Variants in CD300A observed in about 807,000 individuals in gnomAD.
The protein encoded by CD300A is CMRF35-like molecule 8.
A neutral mutation model predicts 33.6 loss-of-function variants in CD300A; 22 were observed. The ratio of observed to expected loss-of-function variants is 0.66; its 90% confidence interval spans 0.47 to 0.94. The LOEUF (loss-of-function observed/expected upper bound fraction) is 0.94. Among genes scored for constraint, CD300A ranks in the 40% least tolerant of loss-of-function variants. The pLI is 0.00. For synonymous variants in CD300A, 136 were observed against 148.1 expected (o/e 0.92, Z 0.59); for missense variants, 326 against 360.5 (o/e 0.90, Z 0.77).
intron 1 of CD300A, chr17:74,470,289 T>G: frequency 6.6e-6 from 6 of 902,406 alleles, no homozygotes; most frequent in East Asian, 1.7e-4. Context: ...TCGCAATCTC[T>G]AAATTATAAT....
intron 1 of CD300A, among the ~76,000 whole-genome samples, chr17:74,471,156 C>T (rs1210756843): frequency 6.6e-6 from 1 of 152,196 alleles, no homozygotes; most frequent in Non-Finnish European, 1.5e-5. Context: ...CTATGTTGCC[C>T]AGGCTCCATT....
chr17:74,483,616 C>T (rs535738633), intron 6 of CD300A, among the ~76,000 whole-genome samples: 1 of 152,290 alleles, frequency 6.6e-6, no homozygotes, highest in Admixed American at 6.5e-5. Flanking sequence ...CTTGGCCTCC[C>T]AAAGTGCTGG....
At chr17:74,482,184 G>C (rs34615254) in intron 6 of CD300A, among the ~76,000 whole-genome samples, 7 of 151,424 alleles carry the variant, frequency 4.6e-5, no homozygotes, top group East Asian at 3.9e-4. Flanking sequence ...TTCTGCTTTC[G>C]GGTTTTTGTC....
Position 74,480,037 on chromosome 17 carries a change from G to A in CD300A, c.629-1252G>A, listed in dbSNP as rs76652174. Among the ~76,000 whole-genome samples, 2,273 of 152,178 alleles carry A rather than the reference G, an allele frequency of 0.015. 23 individuals carry two copies. The highest frequency in any genetic ancestry group is 0.026 in the Admixed American group (403 of 15,284). ...CTCACTACCACCCTCCTTCCCGGGC[G>A]TTGAACTCCTGTCTCTTCCCCACCA... On this transcript the variant is annotated intron_variant, in intron 4 of 6. Coordinates refer to ENST00000360141, the MANE Select transcript of CD300A (RefSeq NM_007261.4). The surrounding 1 kb of genome is among the most constrained non-coding windows in gnomAD (Gnocchi z 4.2).
chr17:74,473,095 C>A lies in CD300A; in HGVS notation c.41-441C>A, dbSNP rs369826738. Among the ~76,000 whole-genome samples, 11 of 152,022 alleles carry A rather than the reference C, an allele frequency of 7.2e-5. No homozygotes were observed. In the East Asian group the frequency reaches 1.9e-3, roughly 27 times the overall value. ...CTGGCAGGTTTGGAAGCAGGAGGCC[C>A]CTGGTGGGTGAGAGGGGTGGGAAGG... is the stretch of plus-strand genomic sequence containing the variant. On this transcript the variant is annotated intron_variant, in intron 1 of 6. Transcript: ENST00000360141.
chr17:74,466,977 G>C, intron 1 of CD300A: 1 of 1,410,976 alleles, frequency 7.1e-7, no homozygotes, highest in Non-Finnish European at 9.2e-7. Flanking sequence ...GAACCACAGC[G>C]GGGCAAGTGA....
At chr17:74,482,128 C>T (rs1018240127) in intron 6 of CD300A, among the ~76,000 whole-genome samples, 1 of 152,082 alleles carries the variant, frequency 6.6e-6, no homozygotes, top group African/African-American at 2.4e-5. Flanking sequence ...AAGCTGAGAA[C>T]CTGTGACTTC....
chr17:74,466,560 G>A, upstream of CD300A: 2 of 949,776 alleles, frequency 2.1e-6, no homozygotes, highest in Non-Finnish European at 3.2e-6. Flanking sequence ...ACCGGCTCCA[G>A]GAATAGAACC....
intron 6 of CD300A, among the ~76,000 whole-genome samples, chr17:74,482,223 C>G (rs1282103104): frequency 6.6e-6 from 1 of 151,976 alleles, no homozygotes; most frequent in East Asian, 1.9e-4. Context: ...AACCCTTGGG[C>G]GCAGCCACCT....
intron 1 of CD300A, chr17:74,470,156 G>C: frequency 1.0e-6 from 1 of 985,432 alleles, no homozygotes; most frequent in Non-Finnish European, 1.2e-6. Context: ...TATGATTAGA[G>C]GGGTTTGGGG....
At chr17:74,482,727 T>TTCCCTTCCC (rs1906978724) in intron 6 of CD300A, among the ~76,000 whole-genome samples, 1 of 122,074 alleles carries the variant, frequency 8.2e-6, no homozygotes, top group African/African-American at 3.9e-5. Flanking sequence ...TCTTTCTTTC[T>TTCCCTTCCC]TTCTTTGGAA....
At chr17:74,477,585 A>G in intron 4 of CD300A, 55 bp downstream of exon 4, 1 of 1,146,200 alleles carries the variant, frequency 8.7e-7, no homozygotes, top group South Asian at 1.3e-5. Context: ...GACCCTGACC[A>G]CAGACGCTCA....
chr17:74,481,173 A>G lies in CD300A; in HGVS notation c.629-116A>G, dbSNP rs180685086. ...CCTACCATGCTTCAGGCCTGAAGGG[A>G]TAGGTCCCCAGGGCTGAGGTCTCTA... On this transcript the variant is annotated intron_variant, in intron 4 of 6. Transcript: ENST00000360141. 30 of 874,894 alleles carry G rather than the reference A, an allele frequency of 3.4e-5. 1 individual carries two copies. The Admixed American group carries it at 5.4e-4, about 16-fold the overall frequency. The allele number at this position is 874,894 out of a possible 1,614,324, so 54.2% of individuals were successfully genotyped here.
At chr17:74,467,565 T>TCACGTC (rs1334293718) in intron 1 of CD300A, among the ~76,000 whole-genome samples, 3 of 152,202 alleles carry the variant, frequency 2.0e-5, no homozygotes, top group Admixed American at 2.0e-4. Flanking sequence ...GTGCCTTCAG[T>TCACGTC]CACGTCCACC....
intron 1 of CD300A, among the ~76,000 whole-genome samples, chr17:74,469,002 G>A (rs1450938854): frequency 6.6e-6 from 1 of 152,118 alleles, no homozygotes; most frequent in Non-Finnish European, 1.5e-5. Context: ...AACTACATTA[G>A]GAGATCTGGT....
intron 2 of CD300A, among the ~76,000 whole-genome samples, chr17:74,474,273 G>A (rs746484853): frequency 5.3e-5 from 8 of 152,126 alleles, no homozygotes; most frequent in Non-Finnish European, 1.2e-4. Context: ...AGACTCCTCT[G>A]CAGCATGGAG....
At chr17:74,483,815 C>T (rs1907077019) in intron 6 of CD300A, among the ~76,000 whole-genome samples, 186 bp from the exon 7 acceptor site, 1 of 152,198 alleles carries the variant, frequency 6.6e-6, no homozygotes. Context: ...TGTGCTGCTG[C>T]TTGCCCAGTT....
chr17:74,466,460 CGAAG>C, upstream of CD300A: 2 of 582,324 alleles, frequency 3.4e-6, no homozygotes, highest in South Asian at 4.1e-5. Flanking sequence ...TAGAAATAGC[CGAAG>C]AACCTGCAGC....
rs967472009 is a variant in CD300A, at chr17:74,481,748, A to G, written c.689A>G (p.His230Arg). Reference sequence around the variant, plus strand: ...CAGGCTGCCACGCAGAGTGAGCTGCACTACGCAAATCTGGAGCTGCTGATG... The same window carrying G: ...CAGGCTGCCACGCAGAGTGAGCTGCGCTACGCAAATCTGGAGCTGCTGATG... ...PKQAATQSELHYANLELLMWP... is the reference protein window; with the variant it reads ...PKQAATQSELRYANLELLMWP... The change falls in exon 6 of 7, where the codon CAC becomes CGC. Residue 230 changes from histidine to arginine, a missense_variant. Physicochemically the swap from His to Arg is conservative, Grantham distance 29. Transcript: ENST00000360141. The G allele has an allele frequency of 2.4e-5, 38 of 1,611,862 alleles. No homozygotes were observed. The highest frequency in any genetic ancestry group is 3.1e-5 in the Non-Finnish European group (37 of 1,179,388).
Sources: allele counts gnomAD v4.1 joint callset (sites outside exome capture counted in the v4.1 genomes callset), GRCh38; gene constraint gnomAD v4.1.1; non-coding constraint Gnocchi (gnomAD v3.1); transcripts MANE v1.5; gene names NCBI Gene and HGNC (gene_info 2026-07-23, HGNC 2026-07-21).